Variants in CNBD1 observed in about 807,000 individuals in gnomAD.
The protein encoded by CNBD1 is cyclic nucleotide-binding domain-containing protein 1.
A neutral mutation model predicts 54.4 loss-of-function variants in CNBD1; 71 were observed. The observed-to-expected ratio is 1.30, with a 90% confidence interval of 1.08 to 1.59. CNBD1 has a LOEUF of 1.59. Ranked by LOEUF, CNBD1 falls within the 40% of genes most tolerant of loss-of-function variation. The probability of loss-of-function intolerance (pLI) is 0.00; values close to 1 mark genes in which losing one functional copy is unlikely to be tolerated. For missense variants in CNBD1, 659 were observed against 518.0 expected (o/e 1.27, Z -2.64); for synonymous variants, 182 against 170.7 (o/e 1.07, Z -0.51).
chr8:87,385,324 C>T (rs531939686), downstream of CNBD1, among the ~76,000 whole-genome samples: 4 of 152,028 alleles, frequency 2.6e-5, no homozygotes, highest in Non-Finnish European at 5.9e-5. Flanking sequence ...GGCAAGGCAT[C>T]GCCTCACCCG....
At chr8:86,965,609 C>G (rs925164565) in intron 4 of CNBD1, among the ~76,000 whole-genome samples, 16 of 152,110 alleles carry the variant, frequency 1.1e-4, no homozygotes, top group Non-Finnish European at 5.9e-5. Flanking sequence ...AGCAAATTCA[C>G]TTTTACTCAC....
At chr8:86,885,580 A>T (rs1808670456) in intron 1 of CNBD1, among the ~76,000 whole-genome samples, 1 of 152,226 alleles carries the variant, frequency 6.6e-6, no homozygotes, top group African/African-American at 2.4e-5. Flanking sequence ...ATTAAATTTG[A>T]TCACAAGAAA....
At chr8:86,985,906 A>G (rs893820781) in intron 4 of CNBD1, among the ~76,000 whole-genome samples, 9 of 151,928 alleles carry the variant, frequency 5.9e-5, no homozygotes, top group African/African-American at 1.9e-4. Context: ...GGTGTAATAT[A>G]TCACCTCATT....
At chr8:87,244,042 G>A (rs748666798) in intron 6 of CNBD1, among the ~76,000 whole-genome samples, 19 of 152,176 alleles carry the variant, frequency 1.2e-4, no homozygotes, top group East Asian at 3.9e-4. Context: ...TTAAACATGC[G>A]CACCCATGAA....
intron 2 of CNBD1, among the ~76,000 whole-genome samples, chr8:87,420,776 T>A (rs1224210314): frequency 7.1e-6 from 1 of 140,464 alleles, no homozygotes. Context: ...ATTTTCTTCT[T>A]TTTTTTTTTT....
intron 2 of CNBD1, among the ~76,000 whole-genome samples, chr8:86,901,034 C>T (rs1298031691): frequency 6.6e-6 from 1 of 152,038 alleles, no homozygotes; most frequent in Non-Finnish European, 1.5e-5. Flanking sequence ...ACTCACATTT[C>T]CAAAAAATTT....
At chr8:87,037,788 T>C (rs1329232120) in intron 4 of CNBD1, among the ~76,000 whole-genome samples, 2 of 152,218 alleles carry the variant, frequency 1.3e-5, no homozygotes, top group South Asian at 4.1e-4. Flanking sequence ...ATGTTTGTGT[T>C]TTTGTTGCTG....
intron 4 of CNBD1, among the ~76,000 whole-genome samples, chr8:87,092,513 G>GTATA: frequency 7.1e-6 from 1 of 141,722 alleles, no homozygotes; most frequent in African/African-American, 2.9e-5. Flanking sequence ...ATGTGTGTGT[G>GTATA]TGTATGTGTG....
At chr8:87,205,929 G>A (rs1407877341) in intron 4 of CNBD1, 64 bp from the exon 5 acceptor site, 1 of 1,241,184 alleles carries the variant, frequency 8.1e-7, no homozygotes, top group Non-Finnish European at 1.0e-6. Flanking sequence ...AAAAATTAAG[G>A]ATCTGTTTGT....
intron 2 of CNBD1, among the ~76,000 whole-genome samples, chr8:87,395,916 T>C (rs148634782): frequency 0.019 from 2,873 of 152,034 alleles, 91 homozygotes; most frequent in African/African-American, 0.063. Flanking sequence ...CTTCGCTCAG[T>C]ACCTCTCCTT....
chr8:87,019,900 TATTAA>T (rs1399352159), intron 4 of CNBD1, among the ~76,000 whole-genome samples: 1 of 152,088 alleles, frequency 6.6e-6, no homozygotes, highest in African/African-American at 2.4e-5. Flanking sequence ...AGATTACATT[TATTAA>T]ATTCTAATTT....
chr8:86,939,466 A>T lies in CNBD1; in HGVS notation c.273-130A>T, dbSNP rs183668803. The T allele has an allele frequency of 2.1e-5, 11 of 530,274 alleles. No individual in the cohort carries two copies. In the African/African-American group the frequency reaches 2.1e-4, roughly 10 times the overall value. The allele number at this position is 530,274 out of a possible 1,614,324, so 32.8% of individuals were successfully genotyped here. Reference sequence around the variant, plus strand: ...ATTGAAACATTCTAATGCATTTAAAAAGAATATGTTCTGAAAATGACAAAT... The same window carrying T: ...ATTGAAACATTCTAATGCATTTAAATAGAATATGTTCTGAAAATGACAAAT... On this transcript the variant is annotated intron_variant, in intron 3 of 10. Coordinates refer to ENST00000518476, the MANE Select transcript of CNBD1 (RefSeq NM_173538.3).
intron 2 of CNBD1, among the ~76,000 whole-genome samples, chr8:87,398,893 C>T (rs1229584829): frequency 6.6e-6 from 1 of 152,018 alleles, no homozygotes; most frequent in Non-Finnish European, 1.5e-5. Context: ...TCTAAAACCA[C>T]TATCAGACCC....
At chr8:86,869,852 T>TA (rs1348958033) in intron 1 of CNBD1, among the ~76,000 whole-genome samples, 3 of 152,184 alleles carry the variant, frequency 2.0e-5, no homozygotes, top group Non-Finnish European at 4.4e-5. Flanking sequence ...ATTCTTATTT[T>TA]AAAAAATTTT....
chr8:86,939,572 A>T lies in CNBD1; in HGVS notation c.273-24A>T. 5 of 1,539,646 alleles carry T rather than the reference A, an allele frequency of 3.2e-6. No individual in the cohort carries two copies. The East Asian group carries it at 9.1e-5, about 28-fold the overall frequency. Reference sequence around the variant, plus strand: ...ATTTTTATGCAGTATACAACAGCATAAAATACTATATTTTCTTGTTCAGGG... The same window carrying T: ...ATTTTTATGCAGTATACAACAGCATTAAATACTATATTTTCTTGTTCAGGG... On this transcript the variant is annotated intron_variant, in intron 3 of 10. Coordinates refer to ENST00000518476, the MANE Select transcript of CNBD1 (RefSeq NM_173538.3).
chr8:86,996,516 C>G (rs944089654), intron 4 of CNBD1, among the ~76,000 whole-genome samples: 1 of 152,144 alleles, frequency 6.6e-6, no homozygotes, highest in Non-Finnish European at 1.5e-5. Context: ...ATTTATACAT[C>G]AATTATTTGT....
At chr8:87,250,584 A>G (rs1807895589) in intron 6 of CNBD1, among the ~76,000 whole-genome samples, 1 of 152,232 alleles carries the variant, frequency 6.6e-6, no homozygotes, top group Admixed American at 6.5e-5. Context: ...AGTGTCCATC[A>G]ACCATTGAAT....
In CNBD1 at chr8:87,317,572, G is replaced by GT. The variant is rs1431920266; in HGVS notation, c.1042+30902dup. On this transcript the variant is annotated intron_variant, in intron 8 of 10. Transcript: ENST00000518476. Reference sequence around the variant, plus strand: ...GTATTTTTATACATTTTTTCATTTAGTGGCTTTGAACTTAATTCCATTTTG... The same window carrying GT: ...GTATTTTTATACATTTTTTCATTTAGTTGGCTTTGAACTTAATTCCATTTTG... Among the ~76,000 whole-genome samples, 6 of 151,188 alleles carry GT rather than the reference G, an allele frequency of 4.0e-5. No individual in the cohort carries two copies. The East Asian group carries it at 1.2e-3, about 29-fold the overall frequency.
intron 8 of CNBD1, among the ~76,000 whole-genome samples, chr8:87,321,876 A>G (rs576267072): frequency 6.7e-6 from 1 of 149,418 alleles, no homozygotes; most frequent in South Asian, 2.1e-4. Flanking sequence ...ATATGTATAC[A>G]TGTGCCATGC....
Sources: gnomAD v4.1 joint callset for allele counts (sites outside exome capture counted in the v4.1 genomes callset) on GRCh38, gnomAD v4.1.1 for gene constraint, MANE v1.5 for transcripts, NCBI Gene and HGNC (gene_info 2026-07-23, HGNC 2026-07-21) for gene names.